MCUR1: variants seen among roughly 807,000 people sequenced by gnomAD.
MCUR1 encodes MCU regulator 1.
Under a neutral mutation model 42.0 loss-of-function variants are expected in MCUR1, and 37 were observed. That is an observed-to-expected ratio of 0.88 (90% CI 0.68 to 1.16). The LOEUF (loss-of-function observed/expected upper bound fraction) is 1.16, where lower values mean the gene tolerates loss of function less well. MCUR1 is among the 50% of genes most tolerant of loss of function. The probability of loss-of-function intolerance (pLI) is 0.00; values close to 1 mark genes in which losing one functional copy is unlikely to be tolerated. For missense variants in MCUR1, 469 were observed against 468.4 expected (o/e 1.00, Z -0.01); for synonymous variants, 229 against 196.2 (o/e 1.17, Z -1.40).
intron 1 of MCUR1, among the ~76,000 whole-genome samples, chr6:13,811,102 G>T (rs1185798605): frequency 6.6e-6 from 1 of 152,076 alleles, no homozygotes; most frequent in Non-Finnish European, 1.5e-5. Context: ...TCCAGGTGTG[G>T]CATTTTCTTT....
chr6:13,786,761 C>T lies in MCUR1; in HGVS notation c.*4048G>A, dbSNP rs910798791. 2 of 152,056 alleles carry T rather than the reference C, an allele frequency of 1.3e-5. No individual in the cohort carries two copies. The highest frequency in any genetic ancestry group is 2.9e-5 in the Non-Finnish European group (2 of 68,024). 9.4% of individuals were successfully genotyped at this position (152,056 alleles called of 1,614,324 possible). On this transcript the variant is annotated 3_prime_UTR_variant, in exon 9 of 9. Coordinates refer to ENST00000379170, the MANE Select transcript of MCUR1 (RefSeq NM_001031713.4). The stretch of plus-strand genomic sequence containing the variant: ...AATATTTTAGATAGTAAGAATCTTA[C>T]ACTTTATTAGATAATAAAACATAAT...
At chr6:13,806,623 AG>A (rs1371618091) in intron 2 of MCUR1, among the ~76,000 whole-genome samples, 1 of 152,174 alleles carries the variant, frequency 6.6e-6, no homozygotes, top group Non-Finnish European at 1.5e-5. Flanking sequence ...TAGGCCTAAA[AG>A]TCAAAGAGAT....
chr6:13,792,914 A>C (rs1759763146), intron 7 of MCUR1, among the ~76,000 whole-genome samples: 1 of 152,140 alleles, frequency 6.6e-6, no homozygotes, highest in African/African-American at 2.4e-5. Context: ...TTAAAAATAG[A>C]ATAAGACTTC....
rs1029585305 is a variant in MCUR1 at position 13,786,669 on chromosome 6, TAC to T, written c.*4138_*4139del. The stretch of plus-strand genomic sequence containing the variant: ...AATTGGCTGGAATTAACAGTTGCAA[TAC>T]AGTTATTCTAGCTTTTCATATTCAA... On this transcript the variant is annotated 3_prime_UTR_variant, in exon 9 of 9. Transcript: ENST00000379170. 2 of 152,170 alleles carry T rather than the reference TAC, an allele frequency of 1.3e-5. No homozygotes were observed. Among genetic ancestry groups the T allele is most frequent in the South Asian group, 4.1e-4 (2 of 4,834 alleles). 9.4% of individuals were successfully genotyped at this position (152,170 alleles called of 1,614,324 possible).
At chr6:13,793,231 T>G (rs1184325144) in intron 7 of MCUR1, among the ~76,000 whole-genome samples, 1 of 152,016 alleles carries the variant, frequency 6.6e-6, no homozygotes, top group Non-Finnish European at 1.5e-5. Flanking sequence ...AAACACTTTG[T>G]GAAGTGCAAA....
rs147861026 is a variant in MCUR1, at chr6:13,790,822, C to T, written c.1067G>A (p.Arg356His). The change falls in exon 9 of 9, where the codon CGC becomes CAC. Residue 356 changes from arginine (R) to histidine (H), a missense_variant. Coordinates refer to ENST00000379170, the MANE Select transcript of MCUR1 (RefSeq NM_001031713.4). ...TCLTVALGFY[R>H]LWI ...ATAGACACTTTATTAGATCCACAGG[C>T]GATAAAATCCCAGAGCTACTGTTAG... 2.7e-5 allele frequency: 44 copies of T among 1,610,874 alleles called. No homozygotes were observed. Among genetic ancestry groups the T allele is most frequent in the South Asian group, 5.5e-5 (5 of 90,898 alleles).
chr6:13,808,861 T>C (rs1268550376), intron 1 of MCUR1, among the ~76,000 whole-genome samples: 2 of 152,202 alleles, frequency 1.3e-5, no homozygotes, highest in Non-Finnish European at 2.9e-5. Flanking sequence ...TATGTGTTTG[T>C]CCTTACGCCA....
At chr6:13,794,007 TG>T in intron 6 of MCUR1, 60 bp from the exon 7 acceptor site, 1 of 1,510,718 alleles carries the variant, frequency 6.6e-7, no homozygotes, top group East Asian at 2.3e-5. Context: ...TCTCCTTCTC[TG>T]GTGCCTTAAA....
Position 13,795,457 on chromosome 6 carries a change from C to A in MCUR1, c.856-1510G>T, listed in dbSNP as rs149730324. Among the ~76,000 whole-genome samples, 330 of 152,310 alleles carry A rather than the reference C, an allele frequency of 2.2e-3. 2 individuals carry two copies. Among genetic ancestry groups the A allele is most frequent in the African/African-American group, 7.6e-3 (315 of 41,576 alleles). On this transcript the variant is annotated intron_variant, in intron 6 of 8. Coordinates refer to ENST00000379170, the MANE Select transcript of MCUR1 (RefSeq NM_001031713.4). Reference sequence around the variant, plus strand: ...TTTATATGCCATACTGCTTTTGGAACTGGCTGTAAATATCATAGTTAATTT... The same window carrying A: ...TTTATATGCCATACTGCTTTTGGAAATGGCTGTAAATATCATAGTTAATTT...
chr6:13,791,420 T>C (rs1187551255), intron 8 of MCUR1, among the ~76,000 whole-genome samples: 1 of 152,212 alleles, frequency 6.6e-6, no homozygotes, highest in Non-Finnish European at 1.5e-5. Context: ...AAATCTGACT[T>C]GAAATAATGG....
At chr6:13,807,124 T>C in intron 1 of MCUR1, 80 bp from the exon 2 acceptor site, 1 of 1,472,662 alleles carries the variant, frequency 6.8e-7, no homozygotes, top group Admixed American at 2.2e-5. Context: ...AAATAAGGCA[T>C]ACCCCAAAGC....
chr6:13,810,086 C>T (rs1483102772), intron 1 of MCUR1, among the ~76,000 whole-genome samples: 2 of 151,842 alleles, frequency 1.3e-5, no homozygotes, highest in African/African-American at 4.8e-5. Context: ...ACCTGTAATC[C>T]CAGCTACTCG....
At position 13,787,984 on chromosome 6, in the gene MCUR1, G is replaced by T. The variant is rs1759639511; in HGVS notation, c.*2825C>A. On this transcript the variant is annotated 3_prime_UTR_variant, in exon 9 of 9. Coordinates refer to ENST00000379170, the MANE Select transcript of MCUR1 (RefSeq NM_001031713.4). ...TGCAACCTCTGCCTCCCAGGTTCAT[G>T]CAATTTTCCTGTCTCAGCCTCCCGA... 1 of 152,256 alleles carries T rather than the reference G, an allele frequency of 6.6e-6. No homozygotes were observed. The highest frequency in any genetic ancestry group is 1.5e-5 in the Non-Finnish European group (1 of 68,106). 9.4% of individuals were successfully genotyped at this position (152,256 alleles called of 1,614,324 possible).
intron 1 of MCUR1, among the ~76,000 whole-genome samples, chr6:13,812,213 C>A (rs1026954911): frequency 2.0e-5 from 3 of 152,066 alleles, no homozygotes; most frequent in Admixed American, 2.0e-4. Context: ...ATGAGGAAAC[C>A]AAATACAAAC....
chr6:13,803,531 T>A (rs1410778965), intron 2 of MCUR1, among the ~76,000 whole-genome samples: 3 of 152,208 alleles, frequency 2.0e-5, no homozygotes, highest in Admixed American at 6.5e-5. Context: ...TTTCTTGGAA[T>A]AAAGTAGTAC....
intron 2 of MCUR1, among the ~76,000 whole-genome samples, chr6:13,806,332 AT>A (rs1360421006): frequency 2.6e-5 from 4 of 152,260 alleles, no homozygotes; most frequent in Non-Finnish European, 5.9e-5. Context: ...CAACATTTCA[AT>A]TTCACAGGAT....
intron 1 of MCUR1, 137 bp from the exon 2 acceptor site, chr6:13,807,181 A>C: frequency 1.1e-6 from 1 of 894,176 alleles, no homozygotes; most frequent in Non-Finnish European, 1.6e-6. Context: ...CAATTCACCC[A>C]ATTTCAAGCA....
chr6:13,811,948 C>T (rs1046041388), intron 1 of MCUR1, among the ~76,000 whole-genome samples: 2 of 152,082 alleles, frequency 1.3e-5, no homozygotes, highest in Admixed American at 6.5e-5. Flanking sequence ...GAAAGGTCGA[C>T]AGAAGGGCTG....
chr6:13,797,321 G>A (rs1759877032), intron 6 of MCUR1, among the ~76,000 whole-genome samples: 1 of 152,200 alleles, frequency 6.6e-6, no homozygotes, highest in African/African-American at 2.4e-5. Flanking sequence ...GGCACCTGAT[G>A]TTACCAAATT....
Sources: gnomAD v4.1 joint callset for allele counts (sites outside exome capture counted in the v4.1 genomes callset) on GRCh38, gnomAD v4.1.1 for gene constraint, MANE v1.5 for transcripts, NCBI Gene and HGNC (gene_info 2026-07-23, HGNC 2026-07-21) for gene names.